Variants in CCDC73 observed in about 807,000 individuals in gnomAD.
The protein encoded by CCDC73 is coiled-coil domain containing 73.
CCDC73 carries 95 observed loss-of-function variants against 116.5 expected under a neutral mutation model. The ratio of observed to expected loss-of-function variants is 0.82; its 90% CI spans 0.69 to 0.97. The LOEUF is 0.97. Ranked by LOEUF, CCDC73 falls within the 50% of genes least tolerant of loss-of-function variation. The pLI, the probability that CCDC73 is intolerant of heterozygous loss-of-function variation, is 0.00. For synonymous variants in CCDC73, 398 were observed against 401.3 expected, an observed-to-expected ratio of 0.99 and a Z score of 0.10; for missense variants, 1,066 against 1,206.8, an observed-to-expected ratio of 0.88 and a Z score of 1.73.
chr11:32,615,869 AT>A (rs1361620473), intron 15 of CCDC73, 70 bp downstream of exon 15: 3 of 1,343,538 alleles, frequency 2.2e-6, no homozygotes, highest in Non-Finnish European at 3.0e-6. Flanking sequence ...GCAGAATGTA[AT>A]TTTCCCAAAA....
At chr11:32,829,895 C>A in the CCDC73 span, 2 of 985,496 alleles carry the variant, frequency 2.0e-6, no homozygotes, top group Non-Finnish European at 1.2e-6. Context: ...GGGGCGCGGC[C>A]AGGTGTCCCC....
At chr11:32,673,143 C>A (rs1418048442) in intron 9 of CCDC73, among the ~76,000 whole-genome samples, 1 of 152,182 alleles carries the variant, frequency 6.6e-6, no homozygotes, top group East Asian at 1.9e-4. Flanking sequence ...AAAATACACA[C>A]AGATGACAAG....
In CCDC73 at chr11:32,699,236, C is replaced by T. The variant is rs979033996; in HGVS notation, c.390+15G>A. The T allele has an allele frequency of 2.0e-5, 31 of 1,567,198 alleles. No homozygotes were observed. The highest frequency in any genetic ancestry group is 1.2e-4 in the Admixed American group (7 of 56,066). ...ATACCAAACTACTTTTTAAACAATACGTAGTTATTTTTACCTGTAGTGCTT... is the reference window on the plus strand; with the variant it reads ...ATACCAAACTACTTTTTAAACAATATGTAGTTATTTTTACCTGTAGTGCTT... On this transcript the variant is annotated intron_variant, in intron 6 of 17. Coordinates refer to ENST00000335185, the MANE Select transcript of CCDC73 (RefSeq NM_001008391.4).
intron 13 of CCDC73, among the ~76,000 whole-genome samples, 197 bp downstream of exon 13, chr11:32,641,775 A>C (rs1421515855): frequency 1.3e-5 from 2 of 151,536 alleles, no homozygotes; most frequent in Non-Finnish European, 3.0e-5. Context: ...TCTTCCATGC[A>C]TAAAAGCATT....
At chr11:32,636,300 A>T (rs1415384684) in intron 13 of CCDC73, among the ~76,000 whole-genome samples, 1 of 152,160 alleles carries the variant, frequency 6.6e-6, no homozygotes, top group Admixed American at 6.5e-5. Context: ...TTGTTTTCTT[A>T]AAGTTTAATT....
intron 6 of CCDC73, among the ~76,000 whole-genome samples, chr11:32,689,877 C>A (rs1427754567): frequency 6.6e-6 from 1 of 152,050 alleles, no homozygotes; most frequent in Non-Finnish European, 1.5e-5. Context: ...CGCCTGTGGT[C>A]CAAGCTGCTC....
chr11:32,758,338 A>ATAT, intron 2 of CCDC73: 1 of 505,698 alleles, frequency 2.0e-6, no homozygotes. Flanking sequence ...AGGCTGTCCC[A>ATAT]AACCCCTGGT....
In CCDC73 at chr11:32,690,130, C is replaced by T. The variant is rs182817426; in HGVS notation, c.391-6556G>A. Reference sequence around the variant, plus strand: ...AGTTTGAAAGGAGAAAATATAAAGACTCGTTGGGGAAGGTAATACTTGAAG... The same window carrying T: ...AGTTTGAAAGGAGAAAATATAAAGATTCGTTGGGGAAGGTAATACTTGAAG... On this transcript the variant is annotated intron_variant, in intron 6 of 17. Transcript: ENST00000335185. 3.5e-3 allele frequency among the ~76,000 whole-genome samples: 539 copies of T among 152,150 alleles called. 6 individuals are homozygous for T. Among genetic ancestry groups the T allele is most frequent in the African/African-American group, 0.013 (520 of 41,504 alleles).
intron 7 of CCDC73, among the ~76,000 whole-genome samples, chr11:32,678,110 C>A (rs1468036666): frequency 2.0e-5 from 3 of 151,864 alleles, no homozygotes; most frequent in Non-Finnish European, 4.4e-5. Context: ...GAAACCCTGT[C>A]TCTACTAAAA....
chr11:32,782,571 T>G (rs116271841), intron 1 of CCDC73, among the ~76,000 whole-genome samples: 7,448 of 152,262 alleles, frequency 0.049, 200 homozygotes, highest in African/African-American at 0.068. Context: ...ACCAATAGAC[T>G]TTTAAGGGAA....
At chr11:32,805,415 C>A in the CCDC73 span, among the ~76,000 whole-genome samples, 3 of 152,168 alleles carry the variant, frequency 2.0e-5, no homozygotes, top group Admixed American at 2.0e-4. Flanking sequence ...CATTAATAAG[C>A]ATTCCACATA....
At chr11:32,607,779 T>C (rs891939043) in intron 17 of CCDC73, among the ~76,000 whole-genome samples, 1 of 150,874 alleles carries the variant, frequency 6.6e-6, no homozygotes, top group Non-Finnish European at 1.5e-5. Flanking sequence ...ATTAGTCCGT[T>C]CTCACGCCGC....
intron 1 of CCDC73, among the ~76,000 whole-genome samples, chr11:32,761,225 CTTTT>C (rs971062886): frequency 2.7e-5 from 4 of 150,554 alleles, no homozygotes; most frequent in South Asian, 4.2e-4. Flanking sequence ...TAACCTATAG[CTTTT>C]TTTTTAAGGT....
At chr11:32,635,674 C>A in intron 14 of CCDC73, 22 bp downstream of exon 14, 1 of 1,278,816 alleles carries the variant, frequency 7.8e-7, no homozygotes. Context: ...AGTTTGTACC[C>A]CACAACATAC....
intron 1 of CCDC73, among the ~76,000 whole-genome samples, chr11:32,777,020 T>C (rs1207592940): frequency 7.4e-6 from 1 of 135,688 alleles, no homozygotes; most frequent in Non-Finnish European, 1.6e-5. Context: ...TATATATATA[T>C]ATAATTGAAC....
Position 32,699,263 on chromosome 11 carries a change from TAATG to T in CCDC73, c.374_377del (p.Thr125LysfsTer15). 6.3e-7 allele frequency: 1 copy of T among 1,582,848 alleles called. No homozygotes were observed. On this transcript the variant is annotated frameshift_variant, in exon 6 of 18. Transcript: ENST00000335185. LOFTEE classifies it high-confidence loss of function. ...TAGTTATTTTTACCTGTAGTGCTTTTAATGTTTCCTTCAATCCTTCTATTTCTTT... is the reference window on the plus strand; with the variant it reads ...TAGTTATTTTTACCTGTAGTGCTTTTTTTCCTTCAATCCTTCTATTTCTTT...
intron 3 of CCDC73, among the ~76,000 whole-genome samples, chr11:32,705,290 C>T (rs1366146357): frequency 6.6e-6 from 1 of 152,202 alleles, no homozygotes; most frequent in Non-Finnish European, 1.5e-5. Context: ...AAGCCCAGAC[C>T]TCAGGGCTCC....
intron 1 of CCDC73, among the ~76,000 whole-genome samples, chr11:32,774,556 T>G (rs1357817229): frequency 6.6e-6 from 1 of 151,992 alleles, no homozygotes; most frequent in African/African-American, 2.4e-5. Flanking sequence ...ACATTGGTCC[T>G]CAAAGAATAC....
intron 2 of CCDC73, among the ~76,000 whole-genome samples, chr11:32,722,728 T>A (rs1315144918): frequency 1.3e-5 from 2 of 152,232 alleles, no homozygotes; most frequent in African/African-American, 4.8e-5. Context: ...CATGTAGGTC[T>A]GGTTCTCTTT....
Sources: gnomAD v4.1 joint callset for allele counts (sites outside exome capture counted in the v4.1 genomes callset) on GRCh38, gnomAD v4.1.1 for gene constraint, MANE v1.5 for transcripts, NCBI Gene and HGNC (gene_info 2026-07-23, HGNC 2026-07-21) for gene names.